POP1: variants seen among roughly 807,000 people sequenced by gnomAD.
The protein encoded by POP1 is ribonucleases P/MRP protein subunit POP1.
In POP1, 75 loss-of-function variants were observed where a neutral mutation model predicts 102.2. That is an observed-to-expected ratio of 0.73 (90% CI 0.61 to 0.89). POP1 has a LOEUF of 0.89. Ranked by LOEUF, POP1 falls within the 40% of genes least tolerant of loss-of-function variation. The pLI is 0.00. For synonymous variants in POP1, 436 were observed against 464.1 expected, an observed-to-expected ratio of 0.94 and a Z score of 0.78; for missense variants, 1,116 against 1,267.4, an observed-to-expected ratio of 0.88 and a Z score of 1.81.
rs199670334 is a variant in POP1 at position 98,154,899 on chromosome 8, GAAGTT to G, written c.2058-1147_2058-1143del. Among the ~76,000 whole-genome samples, 196 of 152,222 alleles carry G rather than the reference GAAGTT, an allele frequency of 1.3e-3. 1 individual carries two copies. In the East Asian group the frequency reaches 0.033, roughly 26 times the overall value. The stretch of plus-strand genomic sequence containing the variant: ...AGATATTTTGTTAAATGAAAAAAGT[GAAGTT>G]AAGCAAAAAGTACTGTACCTAGTAT... On this transcript the variant is annotated intron_variant, in intron 14 of 15. Transcript: ENST00000401707.
rs1816479077 is a variant in POP1 at position 98,134,649 on chromosome 8, C to A, written c.1001C>A (p.Thr334Asn). ...SRQLWIWLHP[T>N]LKQDILEEIK... ...CAGCTGTGGATCTGGCTGCATCCAA[C>A]CCTTAAACAGGTATAATCCTTCAGG... Residue 334 changes from threonine to asparagine, a missense_variant, in exon 7 of 16, where the codon ACC (threonine) becomes AAC (asparagine). Thr to Asn is a moderately conservative substitution (Grantham distance 65). Coordinates refer to ENST00000401707, the MANE Select transcript of POP1 (RefSeq NM_001145860.2). The A allele has an allele frequency of 6.2e-7, 1 of 1,611,714 alleles. No individual in the cohort carries two copies. Among genetic ancestry groups the A allele is most frequent in the Non-Finnish European group, 8.5e-7 (1 of 1,177,922 alleles).
intron 1 of POP1, among the ~76,000 whole-genome samples, chr8:98,119,829 C>G (rs1403789038): frequency 6.6e-6 from 1 of 152,168 alleles, no homozygotes; most frequent in African/African-American, 2.4e-5. Context: ...CCGCCTTGGC[C>G]TCCCAAAGTG....
In POP1 at chr8:98,123,533, C is replaced by G. The variant is rs563634944; in HGVS notation, c.142+54C>G. 3.2e-6 allele frequency: 5 copies of G among 1,548,294 alleles called. No homozygotes were observed. The African/African-American group carries it at 6.8e-5, about 21-fold the overall frequency. On this transcript the variant is annotated intron_variant, in intron 2 of 15. Coordinates refer to ENST00000401707, the MANE Select transcript of POP1 (RefSeq NM_001145860.2). ...GTGGCTCACGCCTGTAATCCCAGCA[C>G]TTTGGGAGGCTGAAGTGGGCGGTTC...
intron 1 of POP1, among the ~76,000 whole-genome samples, chr8:98,121,914 T>G (rs1318542120): frequency 6.6e-6 from 1 of 152,056 alleles, no homozygotes; most frequent in Non-Finnish European, 1.5e-5. Context: ...CTCGATCTCC[T>G]GACCTCATGA....
At chr8:98,153,531 C>CCTTT (rs1430760385) in intron 14 of POP1, among the ~76,000 whole-genome samples, 1 of 81,236 alleles carries the variant, frequency 1.2e-5, no homozygotes, top group African/African-American at 6.2e-5. Context: ...ACAGTTCTGA[C>CCTTT]TCTTTTTTTT....
chr8:98,149,137 C>T (rs1163609322), intron 13 of POP1, 131 bp downstream of exon 13: 2 of 882,380 alleles, frequency 2.3e-6, no homozygotes, highest in Non-Finnish European at 3.6e-6. Flanking sequence ...GCCCTTAGAG[C>T]TATAGTCCTG....
intron 1 of POP1, among the ~76,000 whole-genome samples, 162 bp downstream of exon 1, chr8:98,117,552 C>T (rs571135927): frequency 1.3e-3 from 198 of 152,296 alleles, no homozygotes; most frequent in South Asian, 8.1e-3. Flanking sequence ...TCCCTGGTGT[C>T]GCATCTCCTT....
chr8:98,155,546 G>A (rs2130634643), intron 14 of POP1, among the ~76,000 whole-genome samples: 1 of 151,280 alleles, frequency 6.6e-6, no homozygotes, highest in East Asian at 2.0e-4. Flanking sequence ...GCCTCCCAAA[G>A]TGCTGGGATT....
At chr8:98,141,392 TGGGTAAGG>T (rs1387701826) in intron 11 of POP1, among the ~76,000 whole-genome samples, 2 of 151,830 alleles carry the variant, frequency 1.3e-5, no homozygotes, top group Non-Finnish European at 2.9e-5. Context: ...GCACAGGAGG[TGGGTAAGG>T]GGCTGGCTAA....
chr8:98,128,650 G>A, intron 4 of POP1, 110 bp downstream of exon 4: 1 of 1,237,250 alleles, frequency 8.1e-7, no homozygotes, highest in Non-Finnish European at 1.1e-6. Context: ...TGGGCATGGT[G>A]GCTCACGCCT....
chr8:98,121,828 GC>G (rs1438858881), intron 1 of POP1, among the ~76,000 whole-genome samples: 1 of 151,440 alleles, frequency 6.6e-6, no homozygotes, highest in African/African-American at 2.4e-5. Context: ...GACTACAGGC[GC>G]CCGCCACCAT....
rs541005648 is a variant in POP1, at chr8:98,142,968, T to C, written c.1594+2080T>C. Among the ~76,000 whole-genome samples, 87 of 152,334 alleles carry C rather than the reference T, an allele frequency of 5.7e-4. 1 individual carries two copies. Among genetic ancestry groups the C allele is most frequent in the African/African-American group, 2.1e-3 (86 of 41,576 alleles). ...TAATCTGAAGGCTGTAACTTTGGTT[T>C]TATTTGATTTCCAAATGAGAAAGCC... On this transcript the variant is annotated intron_variant, in intron 11 of 15. Transcript: ENST00000401707.
At chr8:98,129,802 T>A (rs1252812379) in intron 4 of POP1, among the ~76,000 whole-genome samples, 176 bp from the exon 5 acceptor site, 1 of 152,228 alleles carries the variant, frequency 6.6e-6, no homozygotes, top group Non-Finnish European at 1.5e-5. Context: ...CATTCACTCT[T>A]TCCATTGTCT....
In POP1 at chr8:98,140,126, T is replaced by G; in HGVS notation, c.1411T>G (p.Cys471Gly). Reference sequence around the variant, plus strand: ...ACCTCACCGCTGGTGGATAGAAACCTGTAAGAAACCTGACAGCGTTTCCCT... The same window carrying G: ...ACCTCACCGCTGGTGGATAGAAACCGGTAAGAAACCTGACAGCGTTTCCCT... ...ETPHRWWIET[C>G]KKPDSVSLHC... The change falls in exon 10 of 16, where the codon TGT becomes GGT. Residue 471 changes from cysteine to glycine, a missense_variant. Physicochemically the swap from Cys to Gly is radical, Grantham distance 159. Transcript: ENST00000401707. 1 of 1,614,108 alleles carries G rather than the reference T, an allele frequency of 6.2e-7. No homozygotes were observed. Among genetic ancestry groups the G allele is most frequent in the Non-Finnish European group, 8.5e-7 (1 of 1,180,018 alleles).
chr8:98,126,729 A>G (rs1816217888), intron 2 of POP1, among the ~76,000 whole-genome samples: 1 of 152,220 alleles, frequency 6.6e-6, no homozygotes, highest in Non-Finnish European at 1.5e-5. Flanking sequence ...CAAGTATACA[A>G]TGTGCAAAAA....
At chr8:98,138,775 G>T (rs1384572792) in intron 9 of POP1, among the ~76,000 whole-genome samples, 4 of 151,956 alleles carry the variant, frequency 2.6e-5, no homozygotes, top group Non-Finnish European at 5.9e-5. Context: ...TTTGGTTCCA[G>T]AGCCTGTACT....
rs367750326 is a variant in POP1, at chr8:98,121,582, A to G, written c.-2-1754A>G. ...CAACTTGGAGTGCAGTGGTGTGATC[A>G]TCTCGGCTCAATGCAACCTCCACCT... On this transcript the variant is annotated intron_variant, in intron 1 of 15. Coordinates refer to ENST00000401707, the MANE Select transcript of POP1 (RefSeq NM_001145860.2). 1.1e-3 allele frequency among the ~76,000 whole-genome samples: 154 copies of G among 139,578 alleles called. 4 individuals carry two copies. The South Asian group carries it at 0.033, about 30-fold the overall frequency. The allele number at this position is 139,578 out of a possible 152,430, so 91.6% of individuals were successfully genotyped here. A position where few individuals can be genotyped will look rare whatever the true frequency, so the allele number is the denominator to read the frequency against.
At chr8:98,144,337 G>A (rs1483692495) in intron 11 of POP1, among the ~76,000 whole-genome samples, 8 of 151,922 alleles carry the variant, frequency 5.3e-5, no homozygotes, top group South Asian at 2.1e-4. Context: ...GTGCAGTGGC[G>A]CAATCATGGC....
chr8:98,126,255 G>T (rs1480301751), intron 2 of POP1, among the ~76,000 whole-genome samples: 1 of 152,154 alleles, frequency 6.6e-6, no homozygotes, highest in Non-Finnish European at 1.5e-5. Flanking sequence ...ATAGTATTAA[G>T]GGAGTGTCGT....
Sources: allele counts gnomAD v4.1 joint callset (sites outside exome capture counted in the v4.1 genomes callset), GRCh38; gene constraint gnomAD v4.1.1; transcripts MANE v1.5; gene names NCBI Gene and HGNC (gene_info 2026-07-23, HGNC 2026-07-21).